APBA1: variants seen among roughly 807,000 people sequenced by gnomAD.
The protein encoded by APBA1 is amyloid-beta A4 precursor protein-binding family A member 1.
In APBA1, 55 loss-of-function variants were observed where a neutral mutation model predicts 86.6. That is an observed-to-expected ratio of 0.64 (90% confidence interval 0.51 to 0.80). APBA1 has a LOEUF of 0.80. APBA1 is among the 30% of genes least tolerant of loss of function. The pLI is 0.00. For synonymous variants in APBA1, 511 were observed against 493.9 expected (o/e 1.03, Z -0.46); for missense variants, 1,090 against 1,183.0 (o/e 0.92, Z 1.15).
intron 1 of APBA1, among the ~76,000 whole-genome samples, chr9:69,647,563 G>A (rs1302276367): frequency 6.6e-6 from 1 of 152,110 alleles, no homozygotes; most frequent in Admixed American, 6.5e-5. Flanking sequence ...AACAACCAAA[G>A]TCAAGTTTCC....
intron 1 of APBA1, among the ~76,000 whole-genome samples, chr9:69,632,465 T>C (rs1299666286): frequency 6.6e-6 from 1 of 152,182 alleles, no homozygotes; most frequent in African/African-American, 2.4e-5. Context: ...AGACTGTGTA[T>C]GGAGGACCTA....
intron 1 of APBA1, among the ~76,000 whole-genome samples, chr9:69,643,975 T>C (rs1024381433): frequency 2.0e-5 from 3 of 152,238 alleles, no homozygotes; most frequent in African/African-American, 7.2e-5. Context: ...TAGAAGGCTC[T>C]TCCCACAAAT....
chr9:69,446,490 T>C (rs1834910521), intron 10 of APBA1, among the ~76,000 whole-genome samples: 1 of 152,230 alleles, frequency 6.6e-6, no homozygotes, highest in African/African-American at 2.4e-5. Context: ...AGAGATTACA[T>C]TTATAGACAT....
chr9:69,657,053 G>T (rs935512137), intron 1 of APBA1, among the ~76,000 whole-genome samples: 2 of 151,890 alleles, frequency 1.3e-5, no homozygotes, highest in African/African-American at 2.4e-5. Flanking sequence ...CACCGTGTTA[G>T]CCAGGATGGT....
chr9:69,576,847 A>G (rs1821811514), intron 1 of APBA1, among the ~76,000 whole-genome samples: 1 of 152,244 alleles, frequency 6.6e-6, no homozygotes. Flanking sequence ...CCTAAAACTT[A>G]AAGTATAATA....
intron 1 of APBA1, among the ~76,000 whole-genome samples, chr9:69,621,469 T>C (rs2133990134): frequency 6.6e-6 from 1 of 152,280 alleles, no homozygotes; most frequent in Middle Eastern, 3.4e-3. Flanking sequence ...GACAACTTCT[T>C]ATCCATGGAG....
intron 2 of APBA1, among the ~76,000 whole-genome samples, chr9:69,504,010 T>C (rs554382117): frequency 6.6e-6 from 1 of 152,228 alleles, no homozygotes; most frequent in African/African-American, 2.4e-5. Context: ...GGACCATGCT[T>C]GTCTAAAAAC....
intron 3 of APBA1, among the ~76,000 whole-genome samples, chr9:69,473,901 G>C (rs1281871499): frequency 6.6e-6 from 1 of 152,034 alleles, no homozygotes; most frequent in East Asian, 1.9e-4. Context: ...CACACAAATA[G>C]GATTTTCATC....
At chr9:69,540,904 CT>C (rs1302148729) in intron 1 of APBA1, among the ~76,000 whole-genome samples, 1 of 152,156 alleles carries the variant, frequency 6.6e-6, no homozygotes, top group Non-Finnish European at 1.5e-5. Flanking sequence ...CACGCTCAGC[CT>C]TTGACTATTT....
rs74945303 is a variant in APBA1 at position 69,521,061 on chromosome 9, T to G, written c.-69-3782A>C. On this transcript the variant is annotated intron_variant, in intron 1 of 12. Transcript: ENST00000265381. Reference sequence around the variant, plus strand: ...CTAGGCATTTTCCACGTGACACATTTAACCTTCACACTAGCTAATGAAGAG... The same window carrying G: ...CTAGGCATTTTCCACGTGACACATTGAACCTTCACACTAGCTAATGAAGAG... 9.1e-4 allele frequency among the ~76,000 whole-genome samples: 139 copies of G among 152,350 alleles called. 7 individuals carry two copies. The East Asian group carries it at 0.026, about 28-fold the overall frequency.
chr9:69,574,875 C>T (rs368706173), intron 1 of APBA1, among the ~76,000 whole-genome samples: 56 of 152,104 alleles, frequency 3.7e-4, no homozygotes, highest in East Asian at 9.6e-4. Flanking sequence ...GAAATGCCCA[C>T]GGTCTATTCA....
intron 1 of APBA1, among the ~76,000 whole-genome samples, chr9:69,575,849 T>G (rs1016458620): frequency 1.1e-4 from 16 of 152,046 alleles, no homozygotes; most frequent in Non-Finnish European, 1.8e-4. Context: ...AAGCCAAAAT[T>G]GACAAATGGG....
At chr9:69,632,957 C>G (rs1009992364) in intron 1 of APBA1, among the ~76,000 whole-genome samples, 1 of 151,746 alleles carries the variant, frequency 6.6e-6, no homozygotes, top group Non-Finnish European at 1.5e-5. Context: ...GTCAGAGTAT[C>G]GATTCCTCTA....
rs1401084931 is a variant in APBA1, at chr9:69,533,733, A to G, written c.-69-16454T>C. Among the ~76,000 whole-genome samples the G allele has an allele frequency of 4.6e-5, 7 of 152,246 alleles. 1 individual carries two copies. Among genetic ancestry groups the G allele is most frequent in the Non-Finnish European group, 1.0e-4 (7 of 68,044 alleles). On this transcript the variant is annotated intron_variant, in intron 1 of 12. Coordinates refer to ENST00000265381, the MANE Select transcript of APBA1 (RefSeq NM_001163.4). The stretch of plus-strand genomic sequence containing the variant: ...CTGTGGTCATTCACATCTGTGCTCC[A>G]GAAATTCAATACTATCAGTTCACTG...
At position 69,452,182 on chromosome 9, in the gene APBA1, A is replaced by G. The variant is rs1202721022; in HGVS notation, c.1908T>C (p.Asn636=). ...GGTCATCGTTGTACATGTCCTGGGT[A>G]TTGAGCAGGTCACTATACTCCTTCT... The part of the protein sequence containing the change: ...LSQKEYSDLL[N]TQDMYNDDLI... Residue 636 remains asparagine, a synonymous_variant, in exon 9 of 13, where the codon AAT becomes AAC. Transcript: ENST00000265381. 1.2e-6 allele frequency: 2 copies of G among 1,614,240 alleles called. No homozygotes were observed. Among genetic ancestry groups the G allele is most frequent in the South Asian group, 1.1e-5 (1 of 91,086 alleles).
intron 8 of APBA1, among the ~76,000 whole-genome samples, chr9:69,453,129 T>C (rs1798375297): frequency 6.6e-6 from 1 of 152,254 alleles, no homozygotes; most frequent in Admixed American, 6.5e-5. Context: ...TTTATTTTAG[T>C]TTGCTTTCCA....
At chr9:69,559,594 C>T (rs1382502887) in intron 1 of APBA1, among the ~76,000 whole-genome samples, 1 of 152,088 alleles carries the variant, frequency 6.6e-6, no homozygotes, top group East Asian at 1.9e-4. Context: ...TAAAATAATA[C>T]TTTAACAGGG....
chr9:69,660,017 G>A (rs766958244), intron 1 of APBA1, among the ~76,000 whole-genome samples: 1 of 152,008 alleles, frequency 6.6e-6, no homozygotes, highest in East Asian at 1.9e-4. Flanking sequence ...ACATACCCAC[G>A]TGCACACACT....
chr9:69,523,497 G>A (rs5000646), intron 1 of APBA1, among the ~76,000 whole-genome samples: 4,029 of 29,928 alleles, frequency 0.13, 84 homozygotes, highest in Non-Finnish European at 0.19. Context: ...ATATATATAT[G>A]TATATATATA....
Sources: allele counts gnomAD v4.1 joint callset (sites outside exome capture counted in the v4.1 genomes callset), GRCh38; gene constraint gnomAD v4.1.1; transcripts MANE v1.5; gene names NCBI Gene and HGNC (gene_info 2026-07-23, HGNC 2026-07-21).